Variants in GRM8 observed in about 807,000 individuals in gnomAD.
GRM8 encodes the protein metabotropic glutamate receptor 8.
Under a neutral mutation model 87.2 loss-of-function variants are expected in GRM8, and 47 were observed. The ratio of observed to expected loss-of-function variants is 0.54; its 90% CI spans 0.43 to 0.69. The LOEUF (loss-of-function observed/expected upper bound fraction) is 0.69, where lower values mean the gene tolerates loss of function less well. GRM8 is among the 30% of genes least tolerant of loss of function. GRM8 has a pLI of 0.00. For synonymous variants in GRM8, 396 were observed against 404.5 expected (o/e 0.98, Z 0.25); for missense variants, 1,019 against 1,139.2 (o/e 0.89, Z 1.52).
intron 6 of GRM8, among the ~76,000 whole-genome samples, chr7:126,896,823 G>A (rs1288843667): frequency 6.6e-6 from 1 of 152,130 alleles, no homozygotes; most frequent in East Asian, 1.9e-4. Flanking sequence ...AGTGTCAGCT[G>A]TATGCAGGCT....
intron 9 of GRM8, among the ~76,000 whole-genome samples, chr7:126,508,945 G>A (rs891071176): frequency 1.3e-5 from 2 of 151,966 alleles, no homozygotes; most frequent in African/African-American, 4.8e-5. Flanking sequence ...ATTATAAATG[G>A]AGGGCATCAC....
intron 2 of GRM8, chr7:127,229,041 A>G (rs1158343540): frequency 6.6e-6 from 1 of 152,210 alleles, no homozygotes; most frequent in Non-Finnish European, 1.5e-5. Context: ...CAGTGATTTA[A>G]TATCTGAAAA....
At chr7:126,828,144 G>A (rs1396927015) in intron 6 of GRM8, among the ~76,000 whole-genome samples, 3 of 152,082 alleles carry the variant, frequency 2.0e-5, no homozygotes, top group Non-Finnish European at 2.9e-5. Flanking sequence ...TTGCATCAAT[G>A]TTCATCAAGG....
chr7:126,915,836 G>A (rs1487995617), intron 3 of GRM8, among the ~76,000 whole-genome samples: 1 of 152,026 alleles, frequency 6.6e-6, no homozygotes, highest in Non-Finnish European at 1.5e-5. Flanking sequence ...TTCTCTGTAG[G>A]GTCAAAAAAG....
At chr7:126,586,839 T>C (rs1055374461) in intron 8 of GRM8, among the ~76,000 whole-genome samples, 3 of 152,114 alleles carry the variant, frequency 2.0e-5, no homozygotes, top group African/African-American at 7.2e-5. Flanking sequence ...TGGGATCTAA[T>C]TAAACTAAAG....
chr7:126,587,307 C>A (rs1186720496), intron 8 of GRM8, among the ~76,000 whole-genome samples: 7 of 152,140 alleles, frequency 4.6e-5, no homozygotes, highest in Non-Finnish European at 1.0e-4. Context: ...TACCATTTGA[C>A]CCAGCCATCC....
At chr7:126,626,983 C>T (rs146675228) in intron 7 of GRM8, among the ~76,000 whole-genome samples, 1,841 of 152,240 alleles carry the variant, frequency 0.012, 36 homozygotes, top group African/African-American at 0.042. Context: ...ATATTGTCTT[C>T]CTAACCATGT....
chr7:126,895,378 C>T (rs1586359677), intron 6 of GRM8, among the ~76,000 whole-genome samples: 1 of 152,132 alleles, frequency 6.6e-6, no homozygotes, highest in East Asian at 1.9e-4. Flanking sequence ...TTCTCTGTTA[C>T]TCAAAGTATA....
chr7:126,732,324 T>C (rs1813697112), intron 7 of GRM8, among the ~76,000 whole-genome samples: 2 of 152,148 alleles, frequency 1.3e-5, no homozygotes, highest in South Asian at 2.1e-4. Flanking sequence ...TTAAGTCTTC[T>C]ATATCCATTC....
intron 3 of GRM8, among the ~76,000 whole-genome samples, chr7:126,908,451 A>T (rs1193537759): frequency 6.6e-6 from 1 of 152,232 alleles, no homozygotes; most frequent in Non-Finnish European, 1.5e-5. Context: ...AGGGAACAAT[A>T]GCTGTTTCAA....
intron 2 of GRM8, among the ~76,000 whole-genome samples, chr7:127,198,005 G>C (rs921208301): frequency 2.0e-5 from 3 of 151,382 alleles, no homozygotes; most frequent in Admixed American, 6.6e-5. Context: ...AGGACCTTTT[G>C]GTTTATCTAG....
intron 8 of GRM8, among the ~76,000 whole-genome samples, chr7:126,585,809 T>C (rs192441327): frequency 1.7e-4 from 26 of 152,200 alleles, no homozygotes; most frequent in African/African-American, 6.0e-4. Context: ...CTTTTCAACA[T>C]AGTGTTGGAA....
intron 8 of GRM8, among the ~76,000 whole-genome samples, chr7:126,573,865 G>A (rs1794895459): frequency 6.6e-6 from 1 of 152,126 alleles, no homozygotes; most frequent in Non-Finnish European, 1.5e-5. Flanking sequence ...GGGATTACAG[G>A]CATGAGCCAC....
intron 8 of GRM8, among the ~76,000 whole-genome samples, chr7:126,600,911 C>G (rs199522055): frequency 6.7e-6 from 1 of 149,402 alleles, no homozygotes; most frequent in East Asian, 2.0e-4. Context: ...TAATCAAGTA[C>G]AAAGTTAAGA....
At chr7:126,494,990 C>A (rs1808525418) in intron 9 of GRM8, among the ~76,000 whole-genome samples, 4 of 151,804 alleles carry the variant, frequency 2.6e-5, no homozygotes, top group Admixed American at 1.3e-4. Context: ...TTTATAATAC[C>A]AAAAACATTA....
At chr7:127,014,134 C>A (rs918157726) in intron 3 of GRM8, among the ~76,000 whole-genome samples, 6 of 152,028 alleles carry the variant, frequency 3.9e-5, no homozygotes, top group Non-Finnish European at 7.4e-5. Context: ...ATGACAAGGT[C>A]AAAGATGGAA....
At chr7:126,789,394 T>A (rs895212496) in intron 6 of GRM8, among the ~76,000 whole-genome samples, 2 of 152,152 alleles carry the variant, frequency 1.3e-5, no homozygotes, top group African/African-American at 4.8e-5. Context: ...CTCCTCAGCT[T>A]CCATGTTATA....
chr7:127,020,179 T>C (rs949132794), intron 3 of GRM8, among the ~76,000 whole-genome samples: 1 of 152,116 alleles, frequency 6.6e-6, no homozygotes, highest in East Asian at 1.9e-4. Context: ...ACTGTTTCCA[T>C]TTTCAAAAGG....
At chr7:126,822,105 A>T (rs911165229) in intron 6 of GRM8, among the ~76,000 whole-genome samples, 2 of 152,194 alleles carry the variant, frequency 1.3e-5, no homozygotes, top group Admixed American at 1.3e-4. Flanking sequence ...CATCATATCA[A>T]GAGATCATGA....
Sources: gnomAD v4.1 joint callset for allele counts (sites outside exome capture counted in the v4.1 genomes callset) on GRCh38, gnomAD v4.1.1 for gene constraint, MANE v1.5 for transcripts, NCBI Gene and HGNC (gene_info 2026-07-23, HGNC 2026-07-21) for gene names.